Variants in RAB3GAP1 observed in about 807,000 individuals in gnomAD.
RAB3GAP1 encodes RAB3 GTPase activating protein catalytic subunit 1, also known as rab3 GTPase-activating protein catalytic subunit.
RAB3GAP1 carries 86 observed loss-of-function variants against 130.7 expected under a neutral mutation model. That is an observed-to-expected ratio of 0.66 (90% CI 0.55 to 0.79). RAB3GAP1 has a LOEUF of 0.79. RAB3GAP1 is among the 30% of genes least tolerant of loss of function. The probability of loss-of-function intolerance (pLI) is 0.00; values close to 1 mark genes in which losing one functional copy is unlikely to be tolerated. For synonymous variants in RAB3GAP1, 367 were observed against 401.7 expected (o/e 0.91, Z 1.03); for missense variants, 1,029 against 1,169.4 (o/e 0.88, Z 1.75).
In RAB3GAP1 at chr2:135,130,660, G is replaced by A. The variant is rs201430480; in HGVS notation, c.1175G>A (p.Arg392Gln). 29 of 1,613,758 alleles carry A rather than the reference G, an allele frequency of 1.8e-5. No individual in the cohort carries two copies. The East Asian group carries it at 2.9e-4, about 16-fold the overall frequency. ...GTACACACTGCAAAGAAGAAAATCCGAAAACACAGAGGTGTAGAGGAGTCA... is the reference window on the plus strand; with the variant it reads ...GTACACACTGCAAAGAAGAAAATCCAAAAACACAGAGGTGTAGAGGAGTCA... ...NMVHTAKKKI[R>Q]KHRGVEESPL... The change falls in exon 13 of 24, where the codon CGA (arginine) becomes CAA (glutamine). Residue 392 changes from arginine (R) to glutamine (Q), a missense_variant. Physicochemically the swap from Arg to Gln is conservative, Grantham distance 43. Transcript: ENST00000264158.
chr2:135,057,414 A>G (rs1689044371), intron 2 of RAB3GAP1, among the ~76,000 whole-genome samples: 2 of 152,020 alleles, frequency 1.3e-5, no homozygotes, highest in Admixed American at 1.3e-4. Flanking sequence ...TTATTTATTT[A>G]TTTTTGAGAT....
intron 21 of RAB3GAP1, 39 bp from the exon 22 acceptor site, chr2:135,162,947 C>T (rs1472929187): frequency 6.3e-7 from 1 of 1,582,152 alleles, no homozygotes; most frequent in Admixed American, 1.7e-5. Flanking sequence ...TGCTTTTTTG[C>T]CATCTCGCAA....
chr2:135,133,708 G>A (rs997875005), intron 14 of RAB3GAP1, among the ~76,000 whole-genome samples, 153 bp from the exon 15 acceptor site: 3 of 152,116 alleles, frequency 2.0e-5, no homozygotes, highest in Non-Finnish European at 4.4e-5. Flanking sequence ...CCTAAGAATA[G>A]TTTATGCAGT....
chr2:135,166,141 C>T (rs936172337), intron 23 of RAB3GAP1, among the ~76,000 whole-genome samples: 12 of 150,066 alleles, frequency 8.0e-5, no homozygotes, highest in Admixed American at 4.0e-4. Context: ...CACTGCACTC[C>T]GGCCTGGGTG....
At chr2:135,069,161 C>T (rs1428818388) in intron 3 of RAB3GAP1, among the ~76,000 whole-genome samples, 1 of 152,104 alleles carries the variant, frequency 6.6e-6, no homozygotes, top group East Asian at 1.9e-4. Flanking sequence ...ATGCTTAGTA[C>T]ATGTTTGTTG....
chr2:135,154,888 C>T (rs1270243887), intron 19 of RAB3GAP1, among the ~76,000 whole-genome samples: 1 of 152,138 alleles, frequency 6.6e-6, no homozygotes, highest in African/African-American at 2.4e-5. Context: ...CCTCATCTCC[C>T]TCTATCCATT....
intron 17 of RAB3GAP1, among the ~76,000 whole-genome samples, chr2:135,136,220 G>A (rs1691677223): frequency 6.6e-6 from 1 of 152,144 alleles, no homozygotes; most frequent in Non-Finnish European, 1.5e-5. Flanking sequence ...CAGCTACTGG[G>A]GAGGCTGAGG....
At chr2:135,091,283 A>G (rs981703637) in intron 4 of RAB3GAP1, among the ~76,000 whole-genome samples, 153 bp downstream of exon 4, 3 of 152,194 alleles carry the variant, frequency 2.0e-5, no homozygotes, top group Non-Finnish European at 4.4e-5. Context: ...TAGAGGATGA[A>G]TTACATTGTC....
chr2:135,121,912 GT>G lies in RAB3GAP1; in HGVS notation c.748+995del, dbSNP rs199839803. 9.8e-3 allele frequency among the ~76,000 whole-genome samples: 1,486 copies of G among 152,198 alleles called. 21 individuals are homozygous for G. The highest frequency in any genetic ancestry group is 0.034 in the African/African-American group (1,417 of 41,534). On this transcript the variant is annotated intron_variant, in intron 8 of 23. Transcript: ENST00000264158. ...GTTCACGACCAACCTGGCCAACATG[GT>G]GAAACCTTGTCTCTACTAAAAATAC...
intron 17 of RAB3GAP1, among the ~76,000 whole-genome samples, chr2:135,146,672 G>A (rs1453676531): frequency 6.6e-6 from 1 of 151,988 alleles, no homozygotes; most frequent in Non-Finnish European, 1.5e-5. Context: ...TCTGAGCCTT[G>A]TTTTTCTCAT....
chr2:135,117,757 C>G (rs1691064755), intron 7 of RAB3GAP1, among the ~76,000 whole-genome samples: 1 of 147,312 alleles, frequency 6.8e-6, no homozygotes, highest in South Asian at 2.1e-4. Context: ...TCTGCTTCTG[C>G]TTCTTCTGCT....
At chr2:135,106,321 G>A (rs990651024) in intron 5 of RAB3GAP1, among the ~76,000 whole-genome samples, 1 of 152,250 alleles carries the variant, frequency 6.6e-6, no homozygotes, top group African/African-American at 2.4e-5. Flanking sequence ...AGAAAAGGGG[G>A]AAATGTGGGG....
intron 5 of RAB3GAP1, among the ~76,000 whole-genome samples, chr2:135,097,962 T>C (rs1690345623): frequency 6.6e-6 from 1 of 152,228 alleles, no homozygotes; most frequent in South Asian, 2.1e-4. Flanking sequence ...GCAAAACATT[T>C]CTAGAGTAGT....
At chr2:135,099,649 T>C in intron 5 of RAB3GAP1, among the ~76,000 whole-genome samples, 1 of 150,964 alleles carries the variant, frequency 6.6e-6, no homozygotes, top group African/African-American at 2.5e-5. Flanking sequence ...TTTGAGAGAG[T>C]GTAAAATTTT....
intron 18 of RAB3GAP1, among the ~76,000 whole-genome samples, chr2:135,152,613 C>T (rs1326188544): frequency 6.6e-6 from 1 of 152,140 alleles, no homozygotes; most frequent in Non-Finnish European, 1.5e-5. Context: ...TGGACCGTAT[C>T]ATAACCCTTT....
At chr2:135,117,693 T>G (rs868403262) in intron 7 of RAB3GAP1, among the ~76,000 whole-genome samples, 567 of 126,718 alleles carry the variant, frequency 4.5e-3, no homozygotes, top group African/African-American at 0.014. Context: ...TGCTTCTTCT[T>G]CTGCTTCTTC....
chr2:135,158,957 A>G (rs1692392710), intron 19 of RAB3GAP1, among the ~76,000 whole-genome samples: 1 of 152,208 alleles, frequency 6.6e-6, no homozygotes, highest in South Asian at 2.1e-4. Flanking sequence ...AAAGATTTTG[A>G]AAAAAGAAAA....
chr2:135,100,428 A>G (rs931291749), intron 5 of RAB3GAP1, among the ~76,000 whole-genome samples: 3 of 151,576 alleles, frequency 2.0e-5, no homozygotes, highest in African/African-American at 7.3e-5. Context: ...CTTTCAGTAT[A>G]CTCTTTGTTT....
At chr2:135,058,518 G>A (rs1689084297) in intron 3 of RAB3GAP1, 1 of 154,250 alleles carries the variant, frequency 6.5e-6, no homozygotes, top group East Asian at 1.9e-4. Flanking sequence ...ACTTACTGTA[G>A]TTAACAACTA....
Sources: gnomAD v4.1 joint callset for allele counts (sites outside exome capture counted in the v4.1 genomes callset) on GRCh38, gnomAD v4.1.1 for gene constraint, MANE v1.5 for transcripts, NCBI Gene and HGNC (gene_info 2026-07-23, HGNC 2026-07-21) for gene names.